The following SPIDR variants were observed in gnomAD, a reference collection of about 807,000 sequenced individuals.
SPIDR encodes the protein DNA repair-scaffolding protein.
In SPIDR, 93 loss-of-function variants were observed where a neutral mutation model predicts 104.6. The ratio of observed to expected loss-of-function variants is 0.89; its 90% CI spans 0.75 to 1.06. The LOEUF (loss-of-function observed/expected upper bound fraction) is 1.06. SPIDR is among the 50% of genes least tolerant of loss of function. The probability of loss-of-function intolerance (pLI) is 0.00; values close to 1 mark genes in which losing one functional copy is unlikely to be tolerated. For synonymous variants in SPIDR, 431 were observed against 416.9 expected (o/e 1.03, Z -0.41); for missense variants, 1,154 against 1,111.2 (o/e 1.04, Z -0.55).
intron 8 of SPIDR, among the ~76,000 whole-genome samples, chr8:47,563,974 T>TCA (rs1163453196): frequency 2.0e-5 from 3 of 152,226 alleles, no homozygotes; most frequent in Admixed American, 6.5e-5. Context: ...GTAAAACTTA[T>TCA]AAAGTGTGAA....
intron 8 of SPIDR, among the ~76,000 whole-genome samples, chr8:47,588,354 G>T (rs1457221975): frequency 6.7e-6 from 1 of 148,304 alleles, no homozygotes; most frequent in Non-Finnish European, 1.5e-5. Context: ...AATTTTAAAT[G>T]GTATGTTTTT....
intron 7 of SPIDR, among the ~76,000 whole-genome samples, chr8:47,418,256 C>G (rs1012285206): frequency 4.6e-5 from 7 of 152,168 alleles, no homozygotes; most frequent in African/African-American, 9.7e-5. Flanking sequence ...TATCCATGAG[C>G]ATGGAATGTT....
At chr8:47,511,399 G>T in intron 8 of SPIDR, 2 of 867,814 alleles carry the variant, frequency 2.3e-6, no homozygotes, top group South Asian at 1.3e-5. Flanking sequence ...GGCTTTGAAG[G>T]CTTATTTGGA....
intron 8 of SPIDR, chr8:47,512,278 G>T (rs1421194612): frequency 3.9e-6 from 1 of 254,156 alleles, no homozygotes; most frequent in Admixed American, 5.0e-5. Context: ...AGAGGGGGAT[G>T]TGCTAGCTGA....
chr8:47,467,373 A>G (rs1401607473), intron 8 of SPIDR, among the ~76,000 whole-genome samples: 1 of 152,204 alleles, frequency 6.6e-6, no homozygotes, highest in Non-Finnish European at 1.5e-5. Flanking sequence ...TGAGGCCAGC[A>G]TCATGCTAAT....
chr8:47,406,693 C>T (rs2062800914), intron 6 of SPIDR, among the ~76,000 whole-genome samples: 1 of 152,104 alleles, frequency 6.6e-6, no homozygotes, highest in African/African-American at 2.4e-5. Context: ...AAGTGAAAAA[C>T]ATAACAAAAA....
chr8:47,503,298 T>G (rs988634937), intron 8 of SPIDR, among the ~76,000 whole-genome samples: 6 of 152,220 alleles, frequency 3.9e-5, no homozygotes, highest in African/African-American at 1.4e-4. Flanking sequence ...CTCTAAGGAC[T>G]TGCTTTATGA....
intron 7 of SPIDR, among the ~76,000 whole-genome samples, chr8:47,423,728 G>T (rs1324441581): frequency 6.6e-6 from 1 of 152,238 alleles, no homozygotes; most frequent in African/African-American, 2.4e-5. Context: ...ATCATGCAGG[G>T]CCTGGAGGCC....
intron 11 of SPIDR, among the ~76,000 whole-genome samples, chr8:47,685,068 C>T (rs1464606724): frequency 1.3e-5 from 2 of 152,044 alleles, no homozygotes; most frequent in African/African-American, 2.4e-5. Flanking sequence ...AAAATATAGC[C>T]GGGCGTGGTG....
chr8:47,700,280 C>T (rs2079973674), intron 11 of SPIDR, 123 bp from the exon 12 acceptor site: 2 of 1,003,054 alleles, frequency 2.0e-6, no homozygotes, highest in Non-Finnish European at 3.2e-6. Context: ...AATCGCCACA[C>T]ATCTCGAATT....
chr8:47,457,564 CTG>C (rs1343920290), intron 8 of SPIDR, among the ~76,000 whole-genome samples: 3 of 152,108 alleles, frequency 2.0e-5, no homozygotes, highest in Admixed American at 6.6e-5. Context: ...ACTTTGCTGA[CTG>C]TTGCTTTTGC....
chr8:47,658,414 A>G (rs1466934502), intron 10 of SPIDR, among the ~76,000 whole-genome samples: 2 of 149,146 alleles, frequency 1.3e-5, no homozygotes, highest in Non-Finnish European at 2.9e-5. Flanking sequence ...GAGAAACTCC[A>G]TCTCAAAAAA....
intron 10 of SPIDR, among the ~76,000 whole-genome samples, chr8:47,639,215 C>T (rs775973963): frequency 2.0e-5 from 3 of 152,122 alleles, no homozygotes; most frequent in Non-Finnish European, 4.4e-5. Context: ...TGGAATCGTC[C>T]ACGTGTGCTC....
At chr8:47,540,919 G>A (rs1187410599) in intron 8 of SPIDR, among the ~76,000 whole-genome samples, 1 of 152,180 alleles carries the variant, frequency 6.6e-6, no homozygotes, top group Admixed American at 6.5e-5. Context: ...GAGTGCAGTG[G>A]CGCGGTCTCA....
intron 6 of SPIDR, among the ~76,000 whole-genome samples, chr8:47,405,988 A>G (rs1554667044): frequency 6.6e-6 from 1 of 151,814 alleles, no homozygotes; most frequent in East Asian, 1.9e-4. Flanking sequence ...GCGCCTGTGC[A>G]TGTTTACTGT....
chr8:47,703,566 C>T (rs1188860338), intron 14 of SPIDR, among the ~76,000 whole-genome samples: 1 of 152,238 alleles, frequency 6.6e-6, no homozygotes, highest in African/African-American at 2.4e-5. Flanking sequence ...TGTTGTCATT[C>T]ACAAATGAAT....
At chr8:47,503,801 C>T (rs1193642782) in intron 8 of SPIDR, among the ~76,000 whole-genome samples, 1 of 152,136 alleles carries the variant, frequency 6.6e-6, no homozygotes, top group Non-Finnish European at 1.5e-5. Flanking sequence ...TTTAGTGCTT[C>T]CTTCAGGAGC....
Position 47,701,782 on chromosome 8 carries a change from G to A in SPIDR, c.1835G>A (p.Gly612Glu), listed in dbSNP as rs368057529. The part of the protein sequence containing the change: ...CYILTAHPNL[G>E]QIDIIDEDPI... ...ATCCTCACAGCTCATCCAAATCTGG[G>A]ACAAATTGATATAATTGACGAAGAC... Residue 612 changes from glycine (G) to glutamate (E), a missense_variant, in exon 13 of 20, where the codon GGA (glycine) becomes GAA (glutamate). Coordinates refer to ENST00000297423, the MANE Select transcript of SPIDR (RefSeq NM_001080394.4). 38 of 1,614,028 alleles carry A rather than the reference G, an allele frequency of 2.4e-5. No homozygotes were observed. The African/African-American group carries it at 4.0e-4, about 17-fold the overall frequency.
intron 6 of SPIDR, among the ~76,000 whole-genome samples, chr8:47,399,121 TC>T (rs1554660622): frequency 6.6e-6 from 1 of 152,198 alleles, no homozygotes; most frequent in African/African-American, 2.4e-5. Context: ...GGTCAAGGTT[TC>T]TTATTTTAAA....
Sources: allele counts gnomAD v4.1 joint callset (sites outside exome capture counted in the v4.1 genomes callset), GRCh38; gene constraint gnomAD v4.1.1; transcripts MANE v1.5; gene names NCBI Gene and HGNC (gene_info 2026-07-23, HGNC 2026-07-21).